The following ECT2L variants were observed in gnomAD, a reference collection of about 807,000 sequenced individuals.
The protein encoded by ECT2L is epithelial cell-transforming sequence 2 oncogene-like.
In ECT2L, 126 loss-of-function variants were observed where a neutral mutation model predicts 122.8. The ratio of observed to expected loss-of-function variants is 1.03; its 90% CI spans 0.89 to 1.19. The LOEUF (loss-of-function observed/expected upper bound fraction) is 1.19, where lower values mean the gene tolerates loss of function less well. Among genes scored for constraint, ECT2L ranks in the 50% most tolerant of loss-of-function variants. The pLI, the probability that ECT2L is intolerant of heterozygous loss-of-function variation, is 0.00. For synonymous variants in ECT2L, 385 were observed against 381.8 expected, an observed-to-expected ratio of 1.01 and a Z score of -0.10; for missense variants, 1,012 against 1,064.1, an observed-to-expected ratio of 0.95 and a Z score of 0.68.
chr6:138,850,928 G>A (rs1777417773), intron 9 of ECT2L, among the ~76,000 whole-genome samples: 1 of 146,456 alleles, frequency 6.8e-6, no homozygotes, highest in East Asian at 2.0e-4. Context: ...TTGAACCTGG[G>A]AGGCGGACGT....
intron 1 of ECT2L, among the ~76,000 whole-genome samples, chr6:138,798,436 T>C (rs1775418939): frequency 6.6e-6 from 1 of 152,184 alleles, no homozygotes; most frequent in Non-Finnish European, 1.5e-5. Context: ...GAGCTCTGTG[T>C]CAGGAACTGG....
Position 138,836,434 on chromosome 6 carries a change from G to A in ECT2L, c.180-1918G>A, listed in dbSNP as rs116786938. On this transcript the variant is annotated intron_variant, in intron 4 of 21. Coordinates refer to ENST00000541398, the MANE Select transcript of ECT2L (RefSeq NM_001077706.3). ...CTCCTGAGTAGCTGGGATTACAAGCGTACACCACCATGCCCGGCTAACTTT... is the reference window on the plus strand; with the variant it reads ...CTCCTGAGTAGCTGGGATTACAAGCATACACCACCATGCCCGGCTAACTTT... Among the ~76,000 whole-genome samples, 332 of 151,678 alleles carry A rather than the reference G, an allele frequency of 2.2e-3. 1 individual carries two copies. The highest frequency in any genetic ancestry group is 7.3e-3 in the African/African-American group (303 of 41,354).
At chr6:138,875,043 C>T (rs551050345) in intron 13 of ECT2L, among the ~76,000 whole-genome samples, 8 of 152,306 alleles carry the variant, frequency 5.3e-5, no homozygotes, top group African/African-American at 1.7e-4. Context: ...GCAAATATTG[C>T]ACCACTGCAC....
intron 4 of ECT2L, among the ~76,000 whole-genome samples, chr6:138,832,196 T>C (rs144476605): frequency 0.011 from 1,658 of 150,832 alleles, 28 homozygotes; most frequent in African/African-American, 0.034. Context: ...TTTTTTTTTT[T>C]CCAAATGAAC....
At chr6:138,883,934 C>G (rs760925545) in intron 16 of ECT2L, among the ~76,000 whole-genome samples, 1 of 152,208 alleles carries the variant, frequency 6.6e-6, no homozygotes, top group Non-Finnish European at 1.5e-5. Context: ...ATGATTACAG[C>G]TCACTGCAGC....
rs1246672682 is a variant in ECT2L at position 138,820,878 on chromosome 6, A to G, written c.179+6275A>G. ...ATGCTGCTTCCTTCTACCAAAGGAAAGTTCACAGTTGTTAAGGGATGGTCC... is the reference window on the plus strand; with the variant it reads ...ATGCTGCTTCCTTCTACCAAAGGAAGGTTCACAGTTGTTAAGGGATGGTCC... On this transcript the variant is annotated intron_variant, in intron 4 of 21. Coordinates refer to ENST00000541398, the MANE Select transcript of ECT2L (RefSeq NM_001077706.3). Among the ~76,000 whole-genome samples, 3 of 152,218 alleles carry G rather than the reference A, an allele frequency of 2.0e-5. No individual in the cohort carries two copies. In the East Asian group the frequency reaches 5.8e-4, roughly 29 times the overall value.
At chr6:138,873,545 G>A (rs1040356430) in intron 13 of ECT2L, among the ~76,000 whole-genome samples, 11 of 152,246 alleles carry the variant, frequency 7.2e-5, no homozygotes, top group Admixed American at 1.3e-4. Flanking sequence ...TGTAATCCCG[G>A]CACTTTGGGA....
At chr6:138,864,711 A>C (rs76468999) in intron 11 of ECT2L, among the ~76,000 whole-genome samples, 1,658 of 152,330 alleles carry the variant, frequency 0.011, 22 homozygotes, top group East Asian at 0.046. Flanking sequence ...TCAGCTTCCC[A>C]ATGCACAATC....
At chr6:138,855,385 T>C (rs1487592665) in intron 10 of ECT2L, among the ~76,000 whole-genome samples, 2 of 152,002 alleles carry the variant, frequency 1.3e-5, no homozygotes, top group Non-Finnish European at 2.9e-5. Flanking sequence ...GGCAGACACC[T>C]GTAATCCCAG....
intron 1 of ECT2L, among the ~76,000 whole-genome samples, chr6:138,804,465 C>T (rs1040641377): frequency 6.6e-6 from 1 of 152,092 alleles, no homozygotes; most frequent in African/African-American, 2.4e-5. Flanking sequence ...CTTATTACTA[C>T]AGCTTTATAG....
In ECT2L at chr6:138,901,037, A is replaced by C; in HGVS notation, c.2504A>C (p.Glu835Ala). 1.9e-6 allele frequency: 3 copies of C among 1,614,148 alleles called. No individual in the cohort carries two copies. The highest frequency in any genetic ancestry group is 2.5e-6 in the Non-Finnish European group (3 of 1,180,014). ...SSRGTSHTPFERTSKTTYQFI... is the reference protein window; with the variant it reads ...SSRGTSHTPFARTSKTTYQFI... ...CGGGGCACATCTCACACTCCATTTG[A>C]GAGGACTTCAAAAACAACCTACCAG... The change falls in exon 21 of 22, where the codon GAG (glutamate) becomes GCG (alanine). Residue 835 changes from glutamate (E) to alanine (A), a missense_variant. Glu to Ala is a moderately radical substitution (Grantham distance 107). Transcript: ENST00000541398.
intron 9 of ECT2L, among the ~76,000 whole-genome samples, chr6:138,852,348 G>A (rs749210523): frequency 3.2e-4 from 48 of 151,282 alleles, no homozygotes; most frequent in South Asian, 1.0e-3. Context: ...TTTTTTCCGG[G>A]AGAAAGAGAT....
intron 20 of ECT2L, among the ~76,000 whole-genome samples, chr6:138,900,454 C>A (rs1385135622): frequency 6.6e-6 from 1 of 152,156 alleles, no homozygotes; most frequent in Non-Finnish European, 1.5e-5. Context: ...ACTATGTTGG[C>A]CAGGCTGGTT....
chr6:138,875,536 AG>A (rs1778409824), intron 13 of ECT2L, among the ~76,000 whole-genome samples: 1 of 152,198 alleles, frequency 6.6e-6, no homozygotes. Flanking sequence ...CTGTGTTGCT[AG>A]GGTAGACCCT....
intron 20 of ECT2L, among the ~76,000 whole-genome samples, chr6:138,892,493 C>A (rs1472616113): frequency 6.6e-6 from 1 of 151,916 alleles, no homozygotes; most frequent in East Asian, 1.9e-4. Context: ...CCTCTTAGTA[C>A]CCCTTATAAT....
Position 138,901,015 on chromosome 6 carries a change from G to A in ECT2L, c.2482G>A (p.Gly828Ser). Residue 828 changes from glycine to serine, a missense_variant, in exon 21 of 22, where the codon GGC (glycine) becomes AGC (serine). By Grantham distance (56) the Gly-to-Ser change is moderately conservative. Transcript: ENST00000541398. Reference protein sequence around the residue: ...FNDALLVSSRGTSHTPFERTS... With the variant: ...FNDALLVSSRSTSHTPFERTS... ...TGATGCCCTGCTCGTTTCTAGTCGG[G>A]GCACATCTCACACTCCATTTGAGAG... 2 of 1,614,064 alleles carry A rather than the reference G, an allele frequency of 1.2e-6. No individual in the cohort carries two copies. Among genetic ancestry groups the A allele is most frequent in the Admixed American group, 1.7e-5 (1 of 60,004 alleles).
intron 1 of ECT2L, among the ~76,000 whole-genome samples, chr6:138,803,340 ACAC>A (rs1270695509): frequency 2.0e-5 from 3 of 151,822 alleles, no homozygotes; most frequent in Non-Finnish European, 4.4e-5. Flanking sequence ...ACACACACAC[ACAC>A]AATATACTAT....
chr6:138,864,625 G>C (rs983443774), intron 11 of ECT2L, among the ~76,000 whole-genome samples: 7 of 152,202 alleles, frequency 4.6e-5, no homozygotes, highest in Non-Finnish European at 1.0e-4. Flanking sequence ...TGGGGAAGCC[G>C]TGTAGCGTGG....
At chr6:138,872,952 A>C (rs1338499518) in intron 13 of ECT2L, among the ~76,000 whole-genome samples, 1 of 152,200 alleles carries the variant, frequency 6.6e-6, no homozygotes, top group Non-Finnish European at 1.5e-5. Flanking sequence ...TCTTGGTGAG[A>C]ACCATTTCTG....
Sources: allele counts gnomAD v4.1 joint callset (sites outside exome capture counted in the v4.1 genomes callset), GRCh38; gene constraint gnomAD v4.1.1; transcripts MANE v1.5; gene names NCBI Gene and HGNC (gene_info 2026-07-23, HGNC 2026-07-21).